PPFIA2: variants seen among roughly 807,000 people sequenced by gnomAD.
The protein encoded by PPFIA2 is PPFI scaffold protein A2.
Under a neutral mutation model 175.5 loss-of-function variants are expected in PPFIA2, and 46 were observed. That is an observed-to-expected ratio of 0.26 (90% CI 0.21 to 0.34). The LOEUF is 0.34. Ranked by LOEUF, PPFIA2 falls within the 10% of genes least tolerant of loss-of-function variation. The pLI is 1.00. For missense variants in PPFIA2, 1,179 were observed against 1,506.1 expected (o/e 0.78, Z 3.60); for synonymous variants, 568 against 511.4 (o/e 1.11, Z -1.49).
At chr12:81,413,367 T>C (rs1340894534) in intron 7 of PPFIA2, among the ~76,000 whole-genome samples, 1 of 151,824 alleles carries the variant, frequency 6.6e-6, no homozygotes, top group Non-Finnish European at 1.5e-5. Flanking sequence ...TAGAGGAATA[T>C]AAGAACTTGA....
intron 4 of PPFIA2, among the ~76,000 whole-genome samples, chr12:81,463,907 T>C (rs1489704343): frequency 5.9e-5 from 9 of 152,116 alleles, no homozygotes; most frequent in Admixed American, 5.9e-4. Flanking sequence ...TTTGAAAGTA[T>C]CATTTCTTAT....
chr12:81,573,856 T>C (rs2073023153), intron 4 of PPFIA2, among the ~76,000 whole-genome samples: 1 of 151,934 alleles, frequency 6.6e-6, no homozygotes, highest in African/African-American at 2.4e-5. Context: ...AAGGTCCTAC[T>C]GTGGTCAGTA....
At chr12:81,738,112 A>AT (rs1270712843) in intron 3 of PPFIA2, among the ~76,000 whole-genome samples, 1 of 151,678 alleles carries the variant, frequency 6.6e-6, no homozygotes, top group East Asian at 1.9e-4. Context: ...AGCCAAAAAG[A>AT]TTAAAAAAAA....
chr12:81,517,943 G>C (rs2062660106), intron 4 of PPFIA2, among the ~76,000 whole-genome samples: 1 of 129,062 alleles, frequency 7.7e-6, no homozygotes, highest in South Asian at 2.9e-4. Flanking sequence ...AGATTGGCCT[G>C]TCGTGGGGTG....
At chr12:81,302,573 C>A (rs918650877) in intron 22 of PPFIA2, 3 of 301,768 alleles carry the variant, frequency 9.9e-6, no homozygotes, top group Non-Finnish European at 2.0e-5. Context: ...AGGGCAAAAT[C>A]TCTAGCATCT....
chr12:81,379,254 CA>C (rs879927924), intron 9 of PPFIA2, among the ~76,000 whole-genome samples: 2 of 151,334 alleles, frequency 1.3e-5, no homozygotes, highest in South Asian at 4.2e-4. Flanking sequence ...TTGCTACCTA[CA>C]AAAAAAATGA....
At chr12:81,265,843 A>T (rs1921034) in intron 30 of PPFIA2, among the ~76,000 whole-genome samples, 104,122 of 152,078 alleles carry the variant, frequency 0.68, 36,182 homozygotes, top group Non-Finnish European at 0.76. Context: ...TTTGCAACTT[A>T]TAAGTAAGAA....
intron 17 of PPFIA2, chr12:81,350,438 TC>T (rs2140820094): frequency 6.6e-6 from 1 of 152,302 alleles, no homozygotes; most frequent in African/African-American, 2.4e-5. Flanking sequence ...AGTACTACGT[TC>T]CTTGAAGAAG....
chr12:81,439,551 C>T (rs1167429081), intron 7 of PPFIA2, among the ~76,000 whole-genome samples: 1 of 151,966 alleles, frequency 6.6e-6, no homozygotes, highest in Non-Finnish European at 1.5e-5. Flanking sequence ...AATATGAGTA[C>T]AGTGCTTTTA....
intron 4 of PPFIA2, among the ~76,000 whole-genome samples, chr12:81,463,231 A>T (rs1405630631): frequency 1.3e-5 from 2 of 152,150 alleles, no homozygotes; most frequent in Admixed American, 1.3e-4. Flanking sequence ...AAGGTAAGAA[A>T]CAGAATACAA....
intron 4 of PPFIA2, among the ~76,000 whole-genome samples, chr12:81,487,085 G>A (rs555335553): frequency 3.3e-5 from 5 of 152,004 alleles, no homozygotes; most frequent in South Asian, 2.1e-4. Context: ...AGAAAAACAC[G>A]TGATCATGCA....
At chr12:81,369,233 T>C (rs2034422587) in intron 11 of PPFIA2, 39 bp from the exon 12 acceptor site, 2 of 1,591,436 alleles carry the variant, frequency 1.3e-6, no homozygotes, top group Middle Eastern at 1.7e-4. Flanking sequence ...AAATGTAAGA[T>C]TTGGTTAACA....
chr12:81,631,341 T>C (rs771821114), intron 4 of PPFIA2, among the ~76,000 whole-genome samples: 10 of 152,078 alleles, frequency 6.6e-5, no homozygotes, highest in Non-Finnish European at 1.2e-4. Context: ...TGGTGTTGTC[T>C]GATGAAAAAA....
intron 4 of PPFIA2, among the ~76,000 whole-genome samples, chr12:81,653,017 T>C (rs983949062): frequency 6.6e-6 from 1 of 152,046 alleles, no homozygotes; most frequent in Non-Finnish European, 1.5e-5. Context: ...AACTTCATAA[T>C]ATATCTCAAC....
chr12:81,470,607 A>G (rs2056560174), intron 4 of PPFIA2, among the ~76,000 whole-genome samples: 4 of 152,214 alleles, frequency 2.6e-5, no homozygotes, highest in Admixed American at 2.6e-4. Context: ...TCCACACAGA[A>G]TCTTGTACAT....
At chr12:81,696,253 T>G (rs1197628924) in intron 3 of PPFIA2, among the ~76,000 whole-genome samples, 1 of 152,128 alleles carries the variant, frequency 6.6e-6, no homozygotes, top group Non-Finnish European at 1.5e-5. Flanking sequence ...CAAATAGCAA[T>G]AGTAGCAGCA....
chr12:81,483,707 A>G (rs2058505497), intron 4 of PPFIA2, among the ~76,000 whole-genome samples: 1 of 152,086 alleles, frequency 6.6e-6, no homozygotes, highest in Admixed American at 6.6e-5. Flanking sequence ...TTGTTATGAA[A>G]AACTGTAAGG....
chr12:81,410,999 C>CT (rs1274544986), intron 7 of PPFIA2, among the ~76,000 whole-genome samples: 1 of 152,050 alleles, frequency 6.6e-6, no homozygotes, highest in Admixed American at 6.6e-5. Flanking sequence ...CAAATTTCCC[C>CT]TTTTGTGCCC....
intron 3 of PPFIA2, among the ~76,000 whole-genome samples, chr12:81,707,018 A>G (rs2077246532): frequency 6.6e-6 from 1 of 152,168 alleles, no homozygotes; most frequent in Non-Finnish European, 1.5e-5. Flanking sequence ...ACAAAAATCA[A>G]TTCAAGATGG....
Sources: gnomAD v4.1 joint callset for allele counts (sites outside exome capture counted in the v4.1 genomes callset) on GRCh38, gnomAD v4.1.1 for gene constraint, MANE v1.5 for transcripts, NCBI Gene and HGNC (gene_info 2026-07-23, HGNC 2026-07-21) for gene names.